Variants in ARMH3 observed in about 807,000 individuals in gnomAD.
ARMH3 encodes the protein armadillo like helical domain containing 3.
A neutral mutation model predicts 99.1 loss-of-function variants in ARMH3; 60 were observed. That is an observed-to-expected ratio of 0.61 (90% CI 0.49 to 0.75). The LOEUF is 0.75. Among genes scored for constraint, ARMH3 ranks in the 30% least tolerant of loss-of-function variants. ARMH3 has a pLI of 0.00. For missense variants in ARMH3, 679 were observed against 843.1 expected, an observed-to-expected ratio of 0.81 and a Z score of 2.41; for synonymous variants, 285 against 292.8, an observed-to-expected ratio of 0.97 and a Z score of 0.27.
chr10:101,925,680 G>A (rs1368609118), intron 23 of ARMH3, among the ~76,000 whole-genome samples: 3 of 152,130 alleles, frequency 2.0e-5, no homozygotes, highest in African/African-American at 7.2e-5. Flanking sequence ...AGGTCAAGGC[G>A]GGCAGATCAC....
At chr10:101,927,347 G>C (rs1293671281) in intron 23 of ARMH3, among the ~76,000 whole-genome samples, 1 of 152,160 alleles carries the variant, frequency 6.6e-6, no homozygotes, top group Non-Finnish European at 1.5e-5. Context: ...TAAAGAGAAG[G>C]AGAGAATGTA....
At chr10:101,915,122 G>T (rs1843024969) in intron 23 of ARMH3, among the ~76,000 whole-genome samples, 1 of 151,980 alleles carries the variant, frequency 6.6e-6, no homozygotes, top group Admixed American at 6.6e-5. Flanking sequence ...TCCAATAGTA[G>T]ACTTCATCTA....
At chr10:101,864,427 T>C (rs2135332192) in intron 24 of ARMH3, among the ~76,000 whole-genome samples, 1 of 152,278 alleles carries the variant, frequency 6.6e-6, no homozygotes. Context: ...CATGCTACTA[T>C]AAAGACACAT....
chr10:102,048,198 T>C (rs1198458745), intron 1 of ARMH3, among the ~76,000 whole-genome samples: 1 of 152,196 alleles, frequency 6.6e-6, no homozygotes, highest in African/African-American at 2.4e-5. Flanking sequence ...CCTTATCACA[T>C]ATCATTCTCC....
chr10:101,878,702 CTG>C (rs933111591), intron 24 of ARMH3, among the ~76,000 whole-genome samples: 11 of 151,762 alleles, frequency 7.2e-5, no homozygotes, highest in Non-Finnish European at 1.3e-4. Flanking sequence ...TGGCTCATGC[CTG>C]TAATTCCAGC....
At chr10:101,897,011 G>C (rs1221342125) in intron 23 of ARMH3, among the ~76,000 whole-genome samples, 1 of 152,212 alleles carries the variant, frequency 6.6e-6, no homozygotes, top group Non-Finnish European at 1.5e-5. Context: ...GATGTTGAGG[G>C]GGGTGGCAGG....
chr10:102,012,477 C>A (rs2066653019), intron 10 of ARMH3, among the ~76,000 whole-genome samples: 1 of 152,226 alleles, frequency 6.6e-6, no homozygotes, highest in South Asian at 2.1e-4. Flanking sequence ...AAAAAGCAGT[C>A]TCCACAACCT....
intron 1 of ARMH3, among the ~76,000 whole-genome samples, chr10:102,055,834 G>A (rs979382012): frequency 6.6e-5 from 10 of 152,230 alleles, no homozygotes; most frequent in African/African-American, 2.4e-4. Context: ...GGGACCGTGT[G>A]GTCCGAGGGA....
chr10:101,939,004 G>C (rs542192254), intron 23 of ARMH3, among the ~76,000 whole-genome samples: 1 of 152,034 alleles, frequency 6.6e-6, no homozygotes, highest in Non-Finnish European at 1.5e-5. Context: ...AGAAAGAAAA[G>C]ATATAGGAAA....
chr10:102,023,882 A>G (rs2066942668), intron 6 of ARMH3, 133 bp from the exon 7 acceptor site: 2 of 810,720 alleles, frequency 2.5e-6, no homozygotes, highest in Admixed American at 2.5e-5. Flanking sequence ...GACCTTTCAC[A>G]AGTGCCCCTT....
At chr10:102,051,328 C>G (rs900976501) in intron 1 of ARMH3, among the ~76,000 whole-genome samples, 2 of 151,554 alleles carry the variant, frequency 1.3e-5, no homozygotes, top group Admixed American at 1.3e-4. Flanking sequence ...CAAAAAGTAG[C>G]TGGGTGTGGT....
intron 23 of ARMH3, 92 bp from the exon 24 acceptor site, chr10:101,889,582 G>T: frequency 1.7e-6 from 2 of 1,187,916 alleles, no homozygotes; most frequent in Non-Finnish European, 2.5e-6. Flanking sequence ...CTGGTTTAGA[G>T]TACTAGAGCA....
intron 24 of ARMH3, among the ~76,000 whole-genome samples, chr10:101,861,771 A>G (rs71471218): frequency 6.9e-6 from 1 of 145,384 alleles, no homozygotes; most frequent in Admixed American, 7.0e-5. Flanking sequence ...AGTGACTCAC[A>G]CCTGTAATCC....
At chr10:101,848,278 T>G (rs2066506621) in intron 25 of ARMH3, among the ~76,000 whole-genome samples, 1 of 152,096 alleles carries the variant, frequency 6.6e-6, no homozygotes, top group East Asian at 1.9e-4. Flanking sequence ...CTGGGGCGTA[T>G]CCTTGCTGTG....
intron 15 of ARMH3, among the ~76,000 whole-genome samples, chr10:101,998,577 A>G (rs1374674269): frequency 2.0e-5 from 3 of 152,230 alleles, no homozygotes; most frequent in Non-Finnish European, 4.4e-5. Flanking sequence ...AACATATCTT[A>G]GACTCTGCCC....
intron 1 of ARMH3, among the ~76,000 whole-genome samples, chr10:102,050,748 T>C (rs1319514539): frequency 1.3e-5 from 2 of 151,394 alleles, no homozygotes; most frequent in South Asian, 4.2e-4. Flanking sequence ...TCCCAGCCAC[T>C]TGGGATGCTG....
At chr10:102,012,805 C>T (rs1272259504) in intron 10 of ARMH3, 28 bp downstream of exon 10, 3 of 1,591,366 alleles carry the variant, frequency 1.9e-6, no homozygotes, top group South Asian at 2.3e-5. Context: ...AAATCAGACC[C>T]CCTTCCATTC....
At chr10:101,884,011 C>T (rs1227550125) in intron 24 of ARMH3, among the ~76,000 whole-genome samples, 2 of 151,800 alleles carry the variant, frequency 1.3e-5, no homozygotes, top group Non-Finnish European at 1.5e-5. Context: ...CACACACACA[C>T]ACCCGCCAAG....
chr10:102,029,139 C>T lies in ARMH3; in HGVS notation c.414+499G>A, dbSNP rs577671980. On this transcript the variant is annotated intron_variant, in intron 5 of 25. Transcript: ENST00000370033. ...ATCCGCCTGCCTTGGCCTCCCAAAGCGCTAGGATTACAGGCATGAGCCATG... is the reference window on the plus strand; with the variant it reads ...ATCCGCCTGCCTTGGCCTCCCAAAGTGCTAGGATTACAGGCATGAGCCATG... 3.3e-5 allele frequency among the ~76,000 whole-genome samples: 5 copies of T among 152,230 alleles called. No homozygotes were observed. The South Asian group carries it at 8.3e-4, about 25-fold the overall frequency.
Sources: allele counts gnomAD v4.1 joint callset (sites outside exome capture counted in the v4.1 genomes callset), GRCh38; gene constraint gnomAD v4.1.1; transcripts MANE v1.5; gene names NCBI Gene and HGNC (gene_info 2026-07-23, HGNC 2026-07-21).